Variants in SOX6 observed in about 807,000 individuals in gnomAD.
SOX6 encodes SRY-box transcription factor 6.
In SOX6, 11 loss-of-function variants were observed where a neutral mutation model predicts 97.8. The ratio of observed to expected loss-of-function variants is 0.11; its 90% CI spans 0.07 to 0.19. The LOEUF (loss-of-function observed/expected upper bound fraction) is 0.19. Ranked by LOEUF, SOX6 falls within the 10% of genes least tolerant of loss-of-function variation. The probability of loss-of-function intolerance (pLI) is 1.00; values close to 1 mark genes in which losing one functional copy is unlikely to be tolerated. For synonymous variants in SOX6, 360 were observed against 371.4 expected (o/e 0.97, Z 0.35); for missense variants, 810 against 1,039.5 (o/e 0.78, Z 3.04).
intron 6 of SOX6, among the ~76,000 whole-genome samples, chr11:16,133,399 T>C (rs1461046064): frequency 6.6e-6 from 1 of 152,106 alleles, no homozygotes; most frequent in Non-Finnish European, 1.5e-5. Context: ...TGTTTGTGAG[T>C]GTAGGTAGGA....
chr11:16,691,524 A>G (rs1247126974), intron 3 of SOX6, among the ~76,000 whole-genome samples: 7 of 152,204 alleles, frequency 4.6e-5, no homozygotes, highest in South Asian at 4.1e-4. Flanking sequence ...CTGGCTGGGC[A>G]TGGTGGCTCA....
At chr11:16,157,374 T>C (rs1041117394) in intron 6 of SOX6, among the ~76,000 whole-genome samples, 3 of 152,020 alleles carry the variant, frequency 2.0e-5, no homozygotes, top group Non-Finnish European at 4.4e-5. Context: ...AGACTCAATT[T>C]ACAAGTTTCA....
chr11:16,587,947 C>T (rs1325372302), intron 4 of SOX6, among the ~76,000 whole-genome samples: 1 of 152,192 alleles, frequency 6.6e-6, no homozygotes, highest in Non-Finnish European at 1.5e-5. Context: ...CAGGCACAAC[C>T]CTCCAGATGC....
At chr11:16,098,678 C>T (rs935172773) in intron 7 of SOX6, among the ~76,000 whole-genome samples, 5 of 151,778 alleles carry the variant, frequency 3.3e-5, no homozygotes, top group African/African-American at 9.7e-5. Context: ...TTAAAGTCAG[C>T]GTTATGTAAT....
intron 6 of SOX6, among the ~76,000 whole-genome samples, chr11:16,122,468 C>G (rs1442669494): frequency 6.6e-6 from 1 of 151,890 alleles, no homozygotes; most frequent in African/African-American, 2.4e-5. Flanking sequence ...GTATAAATGC[C>G]ATTTAAATAT....
At chr11:16,047,327 G>T (rs1252530792) in intron 11 of SOX6, among the ~76,000 whole-genome samples, 1 of 152,036 alleles carries the variant, frequency 6.6e-6, no homozygotes, top group East Asian at 1.9e-4. Context: ...AGCTGCCTCA[G>T]TTATTTACCA....
intron 2 of SOX6, among the ~76,000 whole-genome samples, chr11:16,730,368 C>A (rs941719048): frequency 1.1e-4 from 16 of 152,042 alleles, no homozygotes; most frequent in Non-Finnish European, 2.1e-4. Flanking sequence ...TCAGCAAAAG[C>A]AAAAGAACGG....
In SOX6 at chr11:16,692,054, T is replaced by C. The variant is rs182379057; in HGVS notation, n.429+22776A>G. Among the ~76,000 whole-genome samples, 446 of 122,206 alleles carry C rather than the reference T, an allele frequency of 3.6e-3. 3 individuals are homozygous for C. Among genetic ancestry groups the C allele is most frequent in the Middle Eastern group, 8.9e-3 (2 of 224 alleles). The allele number at this position is 122,206 out of a possible 152,430, so 80.2% of individuals were successfully genotyped here. ...CTTCACTGAAGTTTTGATTTGCGTG[T>C]GCGTGTGTGTGTGTGTGTGTGTGTG... On this transcript the variant is annotated intron_variant and non_coding_transcript_variant, in intron 3 of 5. Transcript: ENST00000524520.
At chr11:16,404,315 C>G (rs372444538) in intron 1 of SOX6, among the ~76,000 whole-genome samples, 10 of 151,998 alleles carry the variant, frequency 6.6e-5, no homozygotes, top group African/African-American at 2.4e-4. Context: ...CTGTTGCACA[C>G]TTTCTCTTTT....
At chr11:16,706,955 C>A (rs1848141516) in intron 3 of SOX6, among the ~76,000 whole-genome samples, 1 of 151,884 alleles carries the variant, frequency 6.6e-6, no homozygotes, top group Admixed American at 6.6e-5. Flanking sequence ...TTTGTTTTTA[C>A]TTTTAGAATG....
chr11:16,074,196 A>G (rs534431160), intron 9 of SOX6, among the ~76,000 whole-genome samples: 14 of 152,250 alleles, frequency 9.2e-5, no homozygotes, highest in Middle Eastern at 6.8e-3. Context: ...AGATTAATAG[A>G]CCACTAGCTA....
intron 3 of SOX6, among the ~76,000 whole-genome samples, chr11:16,282,271 A>G (rs980135154): frequency 2.0e-5 from 3 of 151,260 alleles, no homozygotes; most frequent in African/African-American, 7.3e-5. Flanking sequence ...TAAAATAATA[A>G]TAAAGAATAT....
intron 3 of SOX6, among the ~76,000 whole-genome samples, chr11:16,285,968 A>G (rs1292233646): frequency 1.3e-5 from 2 of 152,204 alleles, no homozygotes; most frequent in East Asian, 1.9e-4. Flanking sequence ...ATAGAAAAAT[A>G]AAATGAATAC....
chr11:16,654,415 T>C (rs540787689), intron 3 of SOX6, among the ~76,000 whole-genome samples: 1 of 152,156 alleles, frequency 6.6e-6, no homozygotes, highest in South Asian at 2.1e-4. Flanking sequence ...CAACCAATAC[T>C]TCTCCCTTGA....
chr11:16,650,801 GAA>G (rs56928337), intron 3 of SOX6, among the ~76,000 whole-genome samples: 1 of 149,782 alleles, frequency 6.7e-6, no homozygotes. Context: ...AATTGAAACA[GAA>G]AAAAAAAATA....
At chr11:16,454,622 G>A (rs978613332) in intron 1 of SOX6, among the ~76,000 whole-genome samples, 15 of 152,080 alleles carry the variant, frequency 9.9e-5, no homozygotes, top group African/African-American at 3.6e-4. Context: ...CAAAAGGCGA[G>A]TTGGACTTTA....
chr11:16,329,316 T>C (rs1332212995), intron 2 of SOX6, among the ~76,000 whole-genome samples: 2 of 152,130 alleles, frequency 1.3e-5, no homozygotes, highest in Non-Finnish European at 2.9e-5. Context: ...ATAGATTAAA[T>C]ACAGAAAACA....
At chr11:15,979,744 C>A (rs549278732) in intron 15 of SOX6, among the ~76,000 whole-genome samples, 1 of 152,124 alleles carries the variant, frequency 6.6e-6, no homozygotes, top group East Asian at 1.9e-4. Context: ...ATCTGCACAG[C>A]TTGCTCCCTT....
At chr11:16,260,300 C>T (rs1044004408) in intron 3 of SOX6, among the ~76,000 whole-genome samples, 6 of 152,030 alleles carry the variant, frequency 3.9e-5, no homozygotes, top group African/African-American at 1.2e-4. Context: ...GTGCCCGGGC[C>T]AATGTCCCAA....
Sources: gnomAD v4.1 joint callset for allele counts (sites outside exome capture counted in the v4.1 genomes callset) on GRCh38, gnomAD v4.1.1 for gene constraint, MANE v1.5 for transcripts, NCBI Gene and HGNC (gene_info 2026-07-23, HGNC 2026-07-21) for gene names.